HP1BP3: variants seen among roughly 807,000 people sequenced by gnomAD.
The protein encoded by HP1BP3 is heterochromatin protein 1 binding protein 3, also known as heterochromatin protein 1-binding protein 3.
HP1BP3 carries 12 observed loss-of-function variants against 62.5 expected under a neutral mutation model. The ratio of observed to expected loss-of-function variants is 0.19; its 90% CI spans 0.12 to 0.31. The LOEUF (loss-of-function observed/expected upper bound fraction) is 0.31. HP1BP3 is among the 10% of genes least tolerant of loss of function. The pLI is 1.00. For synonymous variants in HP1BP3, 260 were observed against 237.8 expected, an observed-to-expected ratio of 1.09 and a Z score of -0.86; for missense variants, 502 against 651.8, an observed-to-expected ratio of 0.77 and a Z score of 2.50.
intron 8 of HP1BP3, among the ~76,000 whole-genome samples, chr1:20,759,194 A>G (rs2056314623): frequency 6.6e-6 from 1 of 152,214 alleles, no homozygotes; most frequent in Non-Finnish European, 1.5e-5. Context: ...TGAGGTTGGG[A>G]GTTTGACACC....
intron 3 of HP1BP3, among the ~76,000 whole-genome samples, chr1:20,777,925 A>C (rs1254396123): frequency 6.6e-6 from 1 of 152,218 alleles, no homozygotes; most frequent in Non-Finnish European, 1.5e-5. Context: ...GAACTTCACT[A>C]TAACAATGGT....
rs758244327 is a variant in HP1BP3, at chr1:20,744,935, C to G, written c.1524G>C (p.Lys508Asn). 35 of 1,613,992 alleles carry G rather than the reference C, an allele frequency of 2.2e-5. No individual in the cohort carries two copies. Among genetic ancestry groups the G allele is most frequent in the Admixed American group, 3.3e-5 (2 of 59,990 alleles). Residue 508 changes from lysine to asparagine, a missense_variant, in exon 13 of 13, where the codon AAG (lysine) becomes AAC (asparagine). By Grantham distance (94) the Lys-to-Asn change is moderately conservative. This residue lies in a region of HP1BP3 where 194 missense variants were observed against 207.0 expected (regional missense o/e 0.94). Transcript: ENST00000438032. Reference protein sequence around the residue: ...APPKAKTPAKKTRPSSTVIKK... With the variant: ...APPKAKTPAKNTRPSSTVIKK... The stretch of plus-strand genomic sequence containing the variant: ...TGATGACTGTGGATGAGGGTCTGGT[C>G]TTCTTGGCAGGCGTTTTGGCCTTAG...
intron 4 of HP1BP3, chr1:20,776,099 C>A: frequency 9.0e-7 from 1 of 1,112,488 alleles, no homozygotes; most frequent in South Asian, 1.7e-5. Flanking sequence ...CTTTCAGATT[C>A]TCAAAGCCAA....
Position 20,744,910 on chromosome 1 carries a change from T to C in HP1BP3, c.1549A>G (p.Lys517Glu), listed in dbSNP as rs1273257141. 1 of 1,614,248 alleles carries C rather than the reference T, an allele frequency of 6.2e-7. No individual in the cohort carries two copies. Among genetic ancestry groups the C allele is most frequent in the Admixed American group, 1.7e-5 (1 of 60,030 alleles). ...KKTRPSSTVIKKPSGGSSKKP... is the reference protein window; with the variant it reads ...KKTRPSSTVIEKPSGGSSKKP... ...TTTGAGGAGCCACCACTAGGTTTCT[T>C]GATGACTGTGGATGAGGGTCTGGTC... is the stretch of plus-strand genomic sequence containing the variant. The change falls in exon 13 of 13, where the codon AAG (lysine) becomes GAG (glutamate). Residue 517 changes from lysine (K) to glutamate (E), a missense_variant. By Grantham distance (56) the Lys-to-Glu change is moderately conservative (BLOSUM62 1). Around this residue, in one of 5 missense-constraint regions of HP1BP3, gnomAD observed 194 missense variants for 207.0 expected, o/e 0.94. Transcript: ENST00000438032.
rs956577960 is a variant in HP1BP3, at chr1:20,741,165, A to G, written c.*3632T>C. Among the ~76,000 whole-genome samples the G allele has an allele frequency of 6.6e-6, 1 of 152,240 alleles. No homozygotes were observed. The highest frequency in any genetic ancestry group is 2.4e-5 in the African/African-American group (1 of 41,468). ...ATTAGAATTTTTGCTTAATCCAAAG[A>G]AAGATAAATTAATCAGGTTCCAAAG... On this transcript the variant is annotated 3_prime_UTR_variant, in exon 13 of 13. Transcript: ENST00000438032.
At position 20,782,760 on chromosome 1, in the gene HP1BP3, T is replaced by G. The variant is rs866430609; in HGVS notation, c.-100-2220A>C. Among the ~76,000 whole-genome samples the G allele has an allele frequency of 5.7e-4, 85 of 148,474 alleles. 1 individual carries two copies. The highest frequency in any genetic ancestry group is 2.1e-3 in the African/African-American group (85 of 40,502). ...ACTAAAAATACAAAAATTAGCCGGG[T>G]GTGGTGGTGCGCGCCTGTAATCCCA... On this transcript the variant is annotated intron_variant, in intron 1 of 12. Transcript: ENST00000438032.
intron 9 of HP1BP3, among the ~76,000 whole-genome samples, chr1:20,750,816 CTTTTTTTTTTT>C (rs767621434): frequency 8.6e-6 from 1 of 116,534 alleles, no homozygotes; most frequent in Non-Finnish European, 1.7e-5. Flanking sequence ...TATTTTCTCT[CTTTTTTTTTTT>C]TTTTTTTTGA....
At chr1:20,787,017 G>A (rs1193817553) in intron 1 of HP1BP3, among the ~76,000 whole-genome samples, 178 bp downstream of exon 1, 3 of 152,130 alleles carry the variant, frequency 2.0e-5, no homozygotes, top group Admixed American at 2.0e-4. Context: ...GAGGAAGGGA[G>A]CGGGGCGGAG....
At chr1:20,781,641 T>G (rs2057554056) in intron 1 of HP1BP3, among the ~76,000 whole-genome samples, 1 of 152,242 alleles carries the variant, frequency 6.6e-6, no homozygotes, top group African/African-American at 2.4e-5. Flanking sequence ...TTTTTTCTTT[T>G]TTTGAGACGG....
intron 9 of HP1BP3, among the ~76,000 whole-genome samples, chr1:20,751,659 C>T (rs1478443150): frequency 6.6e-6 from 1 of 151,150 alleles, no homozygotes; most frequent in African/African-American, 2.4e-5. Context: ...GAAGTTGAGG[C>T]TATTAGTGAG....
intron 3 of HP1BP3, among the ~76,000 whole-genome samples, chr1:20,779,123 T>C (rs1316021742): frequency 1.3e-5 from 2 of 151,932 alleles, no homozygotes; most frequent in African/African-American, 4.8e-5. Context: ...CAGCAAATAA[T>C]TGATTCTAAC....
chr1:20,784,510 GCT>G (rs1402254849), intron 1 of HP1BP3, among the ~76,000 whole-genome samples: 1 of 120,074 alleles, frequency 8.3e-6, no homozygotes, highest in Admixed American at 1.1e-4. Flanking sequence ...ACCGAGTCTT[GCT>G]CTGTCGCCCA....
At chr1:20,777,658 T>C (rs1048496208) in intron 3 of HP1BP3, among the ~76,000 whole-genome samples, 11 of 152,052 alleles carry the variant, frequency 7.2e-5, no homozygotes, top group African/African-American at 1.9e-4. Flanking sequence ...CAGGGTTTCA[T>C]TGTGTTAGCC....
intron 8 of HP1BP3, among the ~76,000 whole-genome samples, chr1:20,760,693 C>T (rs1481054034): frequency 5.9e-5 from 9 of 151,934 alleles, no homozygotes; most frequent in East Asian, 1.9e-4. Context: ...AAAAATTACC[C>T]GGGTGTGGTG....
intron 6 of HP1BP3, 21 bp downstream of exon 6, chr1:20,770,906 TTAC>T (rs748367693): frequency 5.4e-5 from 84 of 1,545,418 alleles, no homozygotes; most frequent in Middle Eastern, 5.1e-4. Context: ...TGAAATGATC[TTAC>T]TACTAACAAT....
intron 9 of HP1BP3, among the ~76,000 whole-genome samples, chr1:20,756,036 G>C (rs2056086360): frequency 6.6e-6 from 1 of 152,134 alleles, no homozygotes; most frequent in South Asian, 2.1e-4. Context: ...GATCTTTTTT[G>C]GGTGACAGAA....
At chr1:20,768,906 G>T (rs1169737712) in intron 6 of HP1BP3, among the ~76,000 whole-genome samples, 1 of 152,166 alleles carries the variant, frequency 6.6e-6, no homozygotes, top group Non-Finnish European at 1.5e-5. Context: ...CAGCAATCAA[G>T]CTGGAATGCT....
intron 8 of HP1BP3, among the ~76,000 whole-genome samples, chr1:20,757,885 C>CT (rs1268686995): frequency 6.6e-6 from 1 of 151,520 alleles, no homozygotes; most frequent in Non-Finnish European, 1.5e-5. Flanking sequence ...GTGGCTCACG[C>CT]TTGTAATCCC....
In HP1BP3 at chr1:20,746,186, A is replaced by ATATGTGTGTGTGTGTGTGTGTGTGTGTG. The variant is rs1286650893; in HGVS notation, c.1254-531_1254-530insCACACACACACACACACACACACACATA. Among the ~76,000 whole-genome samples the ATATGTGTGTGTGTGTGTGTGTGTGTGTG allele has an allele frequency of 6.8e-4, 97 of 143,228 alleles. 1 individual carries two copies. Among genetic ancestry groups the ATATGTGTGTGTGTGTGTGTGTGTGTGTG allele is most frequent in the African/African-American group, 2.5e-3 (93 of 37,128 alleles). The allele number at this position is 143,228 out of a possible 152,430, so 94.0% of individuals were successfully genotyped here. On this transcript the variant is annotated intron_variant, in intron 11 of 12. Transcript: ENST00000438032. ...CTTAAATGATAACATACATACATAT[A>ATATGTGTGTGTGTGTGTGTGTGTGTGTG]TGTGTGTGTGTGTGTGTGTGTGTGT...
Sources: gnomAD v4.1 joint callset for allele counts (sites outside exome capture counted in the v4.1 genomes callset) on GRCh38, gnomAD v4.1.1 for gene constraint, gnomAD v4.1.1 regional missense constraint, MANE v1.5 for transcripts, NCBI Gene and HGNC (gene_info 2026-07-23, HGNC 2026-07-21) for gene names.